MMACHC: variants seen among roughly 807,000 people sequenced by gnomAD.
MMACHC encodes metabolism of cobalamin associated C, also known as cyanocobalamin reductase / alkylcobalamin dealkylase.
In MMACHC, 14 loss-of-function variants were observed where a neutral mutation model predicts 17.6. The ratio of observed to expected loss-of-function variants is 0.80; its 90% CI spans 0.53 to 1.25. The LOEUF (loss-of-function observed/expected upper bound fraction) is 1.25. MMACHC is among the 50% of genes most tolerant of loss of function. The pLI is 0.00. For synonymous variants in MMACHC, 151 were observed against 142.1 expected, an observed-to-expected ratio of 1.06 and a Z score of -0.45; for missense variants, 392 against 364.5, an observed-to-expected ratio of 1.08 and a Z score of -0.62.
In MMACHC at chr1:45,510,008, CAG is replaced by C. The variant is rs747970780; in HGVS notation, c.*797_*798del. On this transcript the variant is annotated 3_prime_UTR_variant, in exon 4 of 4. Coordinates refer to ENST00000401061, the MANE Select transcript of MMACHC (RefSeq NM_015506.3). The stretch of plus-strand genomic sequence containing the variant: ...AGTAGAATCATTTGAACCAGGGAGG[CAG>C]AGATTGCAGTGAGCCGAGATTGCAT... 3 of 148,484 alleles carry C rather than the reference CAG, an allele frequency of 2.0e-5. No homozygotes were observed. In the South Asian group the frequency reaches 6.3e-4, roughly 31 times the overall value. The allele number at this position is 148,484 out of a possible 1,614,324, so 9.2% of individuals were successfully genotyped here.
In MMACHC at chr1:45,509,415, A is replaced by ACTTTTTT; in HGVS notation, c.*200_*201insCTTTTTT. ...CAGAATTCCCATCTGCCTTCAAATG[A>ACTTTTTT]GTTTTTTTTTTTTTTTTAGACAGAG... is the stretch of plus-strand genomic sequence containing the variant. On this transcript the variant is annotated 3_prime_UTR_variant, in exon 4 of 4. Transcript: ENST00000401061. The ACTTTTTT allele has an allele frequency of 4.1e-6, 1 of 245,534 alleles. No individual in the cohort carries two copies. Among genetic ancestry groups the ACTTTTTT allele is most frequent in the East Asian group, 9.4e-5 (1 of 10,620 alleles). The allele number at this position is 245,534 out of a possible 1,614,324, so 15.2% of individuals were successfully genotyped here. A position where few individuals can be genotyped will look rare whatever the true frequency, so the allele number is the denominator to read the frequency against.
At chr1:45,503,070 C>T (rs1454896758) in intron 1 of MMACHC, among the ~76,000 whole-genome samples, 3 of 152,068 alleles carry the variant, frequency 2.0e-5, no homozygotes, top group African/African-American at 7.2e-5. Context: ...AGCTATAGTA[C>T]AGTCATTTCT....
At position 45,511,376 on chromosome 1, in the gene MMACHC, T is replaced by G; in HGVS notation, c.*2161T>G. Reference sequence around the variant, plus strand: ...TCTTTGCTCTTTTGGACATCAGGCTTGATGGTATCACTGCCAGGTTTCCAG... The same window carrying G: ...TCTTTGCTCTTTTGGACATCAGGCTGGATGGTATCACTGCCAGGTTTCCAG... On this transcript the variant is annotated 3_prime_UTR_variant, in exon 4 of 4. Coordinates refer to ENST00000401061, the MANE Select transcript of MMACHC (RefSeq NM_015506.3). 6.2e-7 allele frequency: 1 copy of G among 1,613,330 alleles called. No homozygotes were observed. Among genetic ancestry groups the G allele is most frequent in the Non-Finnish European group, 8.5e-7 (1 of 1,179,708 alleles).
chr1:45,511,406 C>A lies in MMACHC; in HGVS notation c.*2191C>A, dbSNP rs1643741191. 5 of 1,612,798 alleles carry A rather than the reference C, an allele frequency of 3.1e-6. No individual in the cohort carries two copies. The Admixed American group carries it at 8.4e-5, about 27-fold the overall frequency. On this transcript the variant is annotated 3_prime_UTR_variant, in exon 4 of 4. Transcript: ENST00000401061. Reference sequence around the variant, plus strand: ...GTATCACTGCCAGGTTTCCAGCCAGCTGGGCACACTGCAAGAGAAAGGCAC... The same window carrying A: ...GTATCACTGCCAGGTTTCCAGCCAGATGGGCACACTGCAAGAGAAAGGCAC...
rs1557609301 is a variant in MMACHC at position 45,509,239 on chromosome 1, T to G, written c.*24T>G. On this transcript the variant is annotated 3_prime_UTR_variant, in exon 4 of 4. Transcript: ENST00000401061. ...GATTTTCTCCCATGTGGACCCTGAT[T>G]TATGGTGGTACTTGCTAGGACTTAA... The G allele has an allele frequency of 6.2e-7, 1 of 1,613,764 alleles. No individual in the cohort carries two copies. Among genetic ancestry groups the G allele is most frequent in the East Asian group, 2.2e-5 (1 of 44,868 alleles).
rs1307316425 is a variant in MMACHC at position 45,511,538 on chromosome 1, T to TCTTA, written c.*2324_*2327dup. ...CCAGGAAACCTACCCCTGCAATCAGTCTTAGATCATTCACCCTTTTAGTAT... is the reference window on the plus strand; with the variant it reads ...CCAGGAAACCTACCCCTGCAATCAGTCTTACTTAGATCATTCACCCTTTTAGTAT... On this transcript the variant is annotated 3_prime_UTR_variant, in exon 4 of 4. Coordinates refer to ENST00000401061, the MANE Select transcript of MMACHC (RefSeq NM_015506.3). 1.6e-6 allele frequency: 1 copy of TCTTA among 633,114 alleles called. No individual in the cohort carries two copies. The highest frequency in any genetic ancestry group is 1.9e-5 in the African/African-American group (1 of 53,870). The allele number at this position is 633,114 out of a possible 1,614,324, so 39.2% of individuals were successfully genotyped here.
At chr1:45,502,706 C>CTTTTT (rs777142658) in intron 1 of MMACHC, among the ~76,000 whole-genome samples, 2 of 139,634 alleles carry the variant, frequency 1.4e-5, no homozygotes, top group Non-Finnish European at 1.6e-5. Flanking sequence ...CTTTTCTTTT[C>CTTTTT]TTTTTTTTTT....
chr1:45,511,692 C>T lies in MMACHC; in HGVS notation c.*2477C>T. The T allele has an allele frequency of 3.4e-6, 1 of 292,766 alleles. No homozygotes were observed. The allele number at this position is 292,766 out of a possible 1,614,324, so 18.1% of individuals were successfully genotyped here. A position where few individuals can be genotyped will look rare whatever the true frequency, so the allele number is the denominator to read the frequency against. On this transcript the variant is annotated 3_prime_UTR_variant, in exon 4 of 4. Coordinates refer to ENST00000401061, the MANE Select transcript of MMACHC (RefSeq NM_015506.3). ...AGGCAAAGTTTAAATAATTTGCCAA[C>T]ACTCTCTAATCCTTAAGGGGAAAAA...
chr1:45,503,358 A>T (rs569191990), intron 1 of MMACHC, among the ~76,000 whole-genome samples: 1 of 150,542 alleles, frequency 6.6e-6, no homozygotes, highest in South Asian at 2.1e-4. Flanking sequence ...AGATCGCGCC[A>T]TTGCAGTCTA....
rs944224057 is a variant in MMACHC, at chr1:45,504,608, C to T, written c.82-2748C>T. On this transcript the variant is annotated intron_variant, in intron 1 of 3. Transcript: ENST00000401061. ...GGTGTGGTGGCTCACACCTGTGGTC[C>T]CAGCCACTCGGGAAGCTGAGGAGGG... Among the ~76,000 whole-genome samples, 8 of 151,872 alleles carry T rather than the reference C, an allele frequency of 5.3e-5. No individual in the cohort carries two copies. The South Asian group carries it at 8.3e-4, about 16-fold the overall frequency.
chr1:45,506,993 C>G (rs1206206636), intron 1 of MMACHC, among the ~76,000 whole-genome samples: 2 of 151,674 alleles, frequency 1.3e-5, no homozygotes, highest in South Asian at 2.1e-4. Context: ...ATGGCGAAAC[C>G]CTGTCTCTAC....
In MMACHC at chr1:45,511,660, CA is replaced by C. The variant is rs1479893290; in HGVS notation, c.*2452del. On this transcript the variant is annotated 3_prime_UTR_variant, in exon 4 of 4. Transcript: ENST00000401061. ...TAGCACTTGAAATTTAAATTTTCCA[CA>C]AAAAAAGGCAAAGTTTAAATAATTT... 2.6e-5 allele frequency: 9 copies of C among 339,728 alleles called. No individual in the cohort carries two copies. The highest frequency in any genetic ancestry group is 9.7e-5 in the South Asian group (1 of 10,312). The allele number at this position is 339,728 out of a possible 1,614,324, so 21.0% of individuals were successfully genotyped here.
chr1:45,511,543 G>T lies in MMACHC; in HGVS notation c.*2328G>T. Reference sequence around the variant, plus strand: ...AAACCTACCCCTGCAATCAGTCTTAGATCATTCACCCTTTTAGTATGAGCT... The same window carrying T: ...AAACCTACCCCTGCAATCAGTCTTATATCATTCACCCTTTTAGTATGAGCT... On this transcript the variant is annotated 3_prime_UTR_variant, in exon 4 of 4. Transcript: ENST00000401061. 1 of 613,204 alleles carries T rather than the reference G, an allele frequency of 1.6e-6. No homozygotes were observed. The allele number at this position is 613,204 out of a possible 1,614,324, so 38.0% of individuals were successfully genotyped here.
intron 1 of MMACHC, among the ~76,000 whole-genome samples, chr1:45,503,081 A>G (rs138307257): frequency 6.6e-6 from 1 of 151,640 alleles, no homozygotes; most frequent in African/African-American, 2.4e-5. Context: ...AGTCATTTCT[A>G]TTGTTCTTAG....
In MMACHC at chr1:45,510,370, T is replaced by C. The variant is rs2149324807; in HGVS notation, c.*1155T>C. On this transcript the variant is annotated 3_prime_UTR_variant, in exon 4 of 4. Transcript: ENST00000401061. ...GAATAACTTTTCCCAGCTGACAGCC[T>C]CTCTGAGGACAATGACATATGAATG... 6.6e-6 allele frequency: 1 copy of C among 152,302 alleles called. No homozygotes were observed. Among genetic ancestry groups the C allele is most frequent in the South Asian group, 2.1e-4 (1 of 4,828 alleles). The allele number at this position is 152,302 out of a possible 1,614,324, so 9.4% of individuals were successfully genotyped here.
Position 45,509,343 on chromosome 1 carries a change from A to G in MMACHC, c.*128A>G. Reference sequence around the variant, plus strand: ...ATAGTAGAGATCTTCCATGAAGATAACAAGGCTCAAGGAAGTTAGGTTTGG... The same window carrying G: ...ATAGTAGAGATCTTCCATGAAGATAGCAAGGCTCAAGGAAGTTAGGTTTGG... On this transcript the variant is annotated 3_prime_UTR_variant, in exon 4 of 4. Transcript: ENST00000401061. 1 of 1,166,986 alleles carries G rather than the reference A, an allele frequency of 8.6e-7. No homozygotes were observed. Among genetic ancestry groups the G allele is most frequent in the Non-Finnish European group, 1.2e-6 (1 of 814,376 alleles). The allele number at this position is 1,166,986 out of a possible 1,614,324, so 72.3% of individuals were successfully genotyped here.
rs921985512 is a variant in MMACHC, at chr1:45,510,175, G to A, written c.*960G>A. On this transcript the variant is annotated 3_prime_UTR_variant, in exon 4 of 4. Transcript: ENST00000401061. ...TGGCATATATAGTAAGCAGTATGTT[G>A]GCCATTACCAAAGGCCCTGGGAATT... 6.6e-6 allele frequency: 1 copy of A among 152,032 alleles called. No individual in the cohort carries two copies. The highest frequency in any genetic ancestry group is 1.5e-5 in the Non-Finnish European group (1 of 68,024). 9.4% of individuals were successfully genotyped at this position (152,032 alleles called of 1,614,324 possible). A position where few individuals can be genotyped will look rare whatever the true frequency, so the allele number is the denominator to read the frequency against.
At chr1:45,502,216 A>G (rs1384162593) in intron 1 of MMACHC, among the ~76,000 whole-genome samples, 1 of 152,120 alleles carries the variant, frequency 6.6e-6, no homozygotes, top group Non-Finnish European at 1.5e-5. Flanking sequence ...CAATTCTCAA[A>G]TATACCCAGG....
At chr1:45,507,130 C>T (rs574811579) in intron 1 of MMACHC, among the ~76,000 whole-genome samples, 1 of 152,302 alleles carries the variant, frequency 6.6e-6, no homozygotes, top group East Asian at 1.9e-4. Context: ...CATGCCACTG[C>T]ACTCCAGCCT....
Sources: gnomAD v4.1 joint callset for allele counts (sites outside exome capture counted in the v4.1 genomes callset) on GRCh38, gnomAD v4.1.1 for gene constraint, MANE v1.5 for transcripts, NCBI Gene and HGNC (gene_info 2026-07-23, HGNC 2026-07-21) for gene names.